PRKN: variants seen among roughly 807,000 people sequenced by gnomAD.
The protein encoded by PRKN is E3 ubiquitin-protein ligase parkin.
Under a neutral mutation model 59.5 loss-of-function variants are expected in PRKN, and 56 were observed. The observed-to-expected ratio is 0.94, with a 90% CI of 0.76 to 1.18. The LOEUF (loss-of-function observed/expected upper bound fraction) is 1.18. PRKN is among the 50% of genes most tolerant of loss of function. The pLI, the probability that PRKN is intolerant of heterozygous loss-of-function variation, is 0.00. For missense variants in PRKN, 657 were observed against 596.4 expected, an observed-to-expected ratio of 1.10 and a Z score of -1.06; for synonymous variants, 250 against 222.1, an observed-to-expected ratio of 1.13 and a Z score of -1.12.
intron 1 of PRKN, among the ~76,000 whole-genome samples, chr6:162,542,563 G>A (rs1271753983): frequency 6.6e-6 from 1 of 152,130 alleles, no homozygotes; most frequent in Non-Finnish European, 1.5e-5. Flanking sequence ...GATGCATGAG[G>A]AACACTAGTT....
At chr6:162,670,882 C>T (rs1779292833) in intron 1 of PRKN, among the ~76,000 whole-genome samples, 1 of 152,120 alleles carries the variant, frequency 6.6e-6, no homozygotes, top group Non-Finnish European at 1.5e-5. Flanking sequence ...TTTATACTGT[C>T]TGATAAAAGT....
At chr6:162,589,307 A>ATCTC (rs756437863) in intron 1 of PRKN, among the ~76,000 whole-genome samples, 1 of 151,014 alleles carries the variant, frequency 6.6e-6, no homozygotes, top group Admixed American at 6.6e-5. Context: ...AATATCTTCA[A>ATCTC]TCTCTCTCTC....
chr6:162,350,051 A>G (rs1189725196), intron 2 of PRKN, among the ~76,000 whole-genome samples: 1 of 152,210 alleles, frequency 6.6e-6, no homozygotes, highest in East Asian at 1.9e-4. Context: ...TCTACATACT[A>G]GCAACAAACT....
At chr6:162,556,954 A>C (rs1395003862) in intron 1 of PRKN, among the ~76,000 whole-genome samples, 1 of 152,084 alleles carries the variant, frequency 6.6e-6, no homozygotes, top group Non-Finnish European at 1.5e-5. Context: ...CCATTTGATG[A>C]AATAAAGCAG....
intron 4 of PRKN, among the ~76,000 whole-genome samples, chr6:162,114,362 C>T (rs1432234605): frequency 5.9e-5 from 9 of 151,612 alleles, no homozygotes; most frequent in South Asian, 2.1e-4. Flanking sequence ...GAATGTTCTT[C>T]CATTTGTTTG....
chr6:162,478,972 A>G (rs1239213756), intron 1 of PRKN, among the ~76,000 whole-genome samples: 2 of 152,160 alleles, frequency 1.3e-5, no homozygotes, highest in Admixed American at 6.5e-5. Context: ...ATGACTGTCC[A>G]TTACCACAGA....
chr6:162,352,617 G>T (rs932401528), intron 2 of PRKN, among the ~76,000 whole-genome samples: 3 of 152,134 alleles, frequency 2.0e-5, no homozygotes, highest in Non-Finnish European at 4.4e-5. Context: ...ACCCTGAAGG[G>T]CATGGATTAA....
chr6:162,107,826 T>A (rs549211314), intron 4 of PRKN, among the ~76,000 whole-genome samples: 10 of 152,298 alleles, frequency 6.6e-5, no homozygotes, highest in Admixed American at 2.6e-4. Context: ...TTCCATAAAC[T>A]TTTCCTATTT....
chr6:162,422,704 G>T (rs1789031941), intron 2 of PRKN, among the ~76,000 whole-genome samples: 1 of 152,140 alleles, frequency 6.6e-6, no homozygotes, highest in Non-Finnish European at 1.5e-5. Flanking sequence ...TAGCACTCTG[G>T]GAGGCTGAGG....
intron 8 of PRKN, among the ~76,000 whole-genome samples, chr6:161,559,061 A>AAC (rs1291783578): frequency 7.2e-6 from 1 of 138,058 alleles, no homozygotes; most frequent in Admixed American, 7.4e-5. Flanking sequence ...AAAAAAAAAA[A>AAC]AAAAACCAGT....
At chr6:162,645,036 C>G (rs1778114111) in intron 1 of PRKN, among the ~76,000 whole-genome samples, 1 of 152,176 alleles carries the variant, frequency 6.6e-6, no homozygotes, top group African/African-American at 2.4e-5. Flanking sequence ...GTGTATTCAA[C>G]TTTTCTTTCC....
chr6:162,654,112 T>C (rs890749514), intron 1 of PRKN, among the ~76,000 whole-genome samples: 2 of 152,170 alleles, frequency 1.3e-5, no homozygotes, highest in Admixed American at 6.5e-5. Flanking sequence ...ATTTCAGATA[T>C]AGGAAAACAG....
chr6:161,844,686 T>C (rs1486949762), intron 6 of PRKN, among the ~76,000 whole-genome samples: 1 of 152,222 alleles, frequency 6.6e-6, no homozygotes, highest in Non-Finnish European at 1.5e-5. Context: ...GCTCCACCTT[T>C]CCCCGATTCT....
intron 5 of PRKN, among the ~76,000 whole-genome samples, chr6:161,991,043 C>T (rs1290355341): frequency 1.3e-5 from 2 of 152,092 alleles, no homozygotes; most frequent in Non-Finnish European, 2.9e-5. Flanking sequence ...CCCCATCAGA[C>T]AAACAGCAGA....
intron 4 of PRKN, among the ~76,000 whole-genome samples, chr6:162,073,784 A>G (rs1333545483): frequency 6.6e-6 from 1 of 152,212 alleles, no homozygotes; most frequent in African/African-American, 2.4e-5. Flanking sequence ...TTTGGCAGAT[A>G]ATTCACTTCC....
At position 162,666,566 on chromosome 6, in the gene PRKN, T is replaced by C. The variant is rs532027610; in HGVS notation, c.7+61096A>G. 4.6e-5 allele frequency among the ~76,000 whole-genome samples: 7 copies of C among 151,914 alleles called. No individual in the cohort carries two copies. In the South Asian group the frequency reaches 1.5e-3, roughly 32 times the overall value. On this transcript the variant is annotated intron_variant, in intron 1 of 11. Coordinates refer to ENST00000366898, the MANE Select transcript of PRKN (RefSeq NM_004562.3). ...AAAATAAGAACATAAATTCAGGAGG[T>C]GAATTAAGGTTGTTCACATGGAGTA...
At chr6:162,240,927 G>C (rs1478849146) in intron 3 of PRKN, among the ~76,000 whole-genome samples, 1 of 152,172 alleles carries the variant, frequency 6.6e-6, no homozygotes, top group Non-Finnish European at 1.5e-5. Context: ...ATGTTTTGAA[G>C]AAGGTGAAAG....
intron 4 of PRKN, among the ~76,000 whole-genome samples, chr6:162,112,004 G>A (rs1033904766): frequency 1.3e-5 from 2 of 152,216 alleles, no homozygotes; most frequent in African/African-American, 2.4e-5. Flanking sequence ...GCCAAGACAT[G>A]ATCAGAGAGA....
intron 6 of PRKN, among the ~76,000 whole-genome samples, chr6:161,840,804 C>T (rs1040126061): frequency 6.6e-6 from 1 of 152,146 alleles, no homozygotes; most frequent in East Asian, 1.9e-4. Flanking sequence ...TTTTTGGCTA[C>T]ATGGTATTCC....
Sources: allele counts gnomAD v4.1 joint callset (sites outside exome capture counted in the v4.1 genomes callset), GRCh38; gene constraint gnomAD v4.1.1; transcripts MANE v1.5; gene names NCBI Gene and HGNC (gene_info 2026-07-23, HGNC 2026-07-21).